The following LINGO1 variants were observed in gnomAD, a reference collection of about 807,000 sequenced individuals.
The protein encoded by LINGO1 is leucine-rich repeat and immunoglobulin-like domain-containing nogo receptor-interacting protein 1.
A neutral mutation model predicts 37.3 loss-of-function variants in LINGO1; 11 were observed. That is an observed-to-expected ratio of 0.29 (90% confidence interval 0.19 to 0.49). The LOEUF is 0.49. Among genes scored for constraint, LINGO1 ranks in the 20% least tolerant of loss-of-function variants. The pLI is 0.99. For synonymous variants in LINGO1, 387 were observed against 403.0 expected, an observed-to-expected ratio of 0.96 and a Z score of 0.48; for missense variants, 585 against 878.2, an observed-to-expected ratio of 0.67 and a Z score of 4.22.
Position 77,743,938 on chromosome 15 carries a change from AT to A in LINGO1, c.-256-8886del, listed in dbSNP as rs2076289045. ...CCTCCCTGCCTTCATTTATTGATCCATCTGTAGCCAAGCCACAAGTATTTCT... is the reference window on the plus strand; with the variant it reads ...CCTCCCTGCCTTCATTTATTGATCCACTGTAGCCAAGCCACAAGTATTTCT... On this transcript the variant is annotated intron_variant, in intron 1 of 3. Transcript: ENST00000561686. Among the ~76,000 whole-genome samples the A allele has an allele frequency of 2.0e-5, 3 of 152,342 alleles. 1 individual carries two copies. The South Asian group carries it at 6.2e-4, about 32-fold the overall frequency.
At chr15:77,617,512 G>A (rs1178457215) in intron 1 of LINGO1, among the ~76,000 whole-genome samples, 4 of 152,278 alleles carry the variant, frequency 2.6e-5, no homozygotes, top group East Asian at 1.9e-4. Context: ...CTCATGGCCC[G>A]GAAGGGGCTC....
chr15:77,628,463 C>G (rs752002466), intron 1 of LINGO1, among the ~76,000 whole-genome samples: 2 of 152,304 alleles, frequency 1.3e-5, no homozygotes, highest in South Asian at 4.1e-4. Context: ...GGACTGCACA[C>G]AGTTCATGCT....
chr15:77,818,532 G>C (rs1174101468), intron 1 of LINGO1, among the ~76,000 whole-genome samples: 1 of 151,896 alleles, frequency 6.6e-6, no homozygotes, highest in Non-Finnish European at 1.5e-5. Context: ...GGCCTCTTGG[G>C]AGCTCCTGAG....
chr15:77,679,154 G>A (rs1369781965), intron 2 of LINGO1, among the ~76,000 whole-genome samples: 3 of 152,190 alleles, frequency 2.0e-5, no homozygotes, highest in Admixed American at 6.5e-5. Context: ...ACCCACGTCG[G>A]CCTCCCAAAA....
chr15:77,682,049 G>A (rs1054680937), intron 2 of LINGO1, among the ~76,000 whole-genome samples: 3 of 152,148 alleles, frequency 2.0e-5, no homozygotes, highest in African/African-American at 4.8e-5. Flanking sequence ...TCCAGCTCCA[G>A]CACTCGTCCC....
chr15:77,705,036 G>A (rs2075832555), intron 2 of LINGO1, among the ~76,000 whole-genome samples: 1 of 152,210 alleles, frequency 6.6e-6, no homozygotes, highest in African/African-American at 2.4e-5. Flanking sequence ...TTAATCTTCT[G>A]TCATATAAGC....
chr15:77,727,838 T>C (rs980133028), intron 2 of LINGO1, among the ~76,000 whole-genome samples: 5 of 151,948 alleles, frequency 3.3e-5, no homozygotes, highest in Admixed American at 6.6e-5. Flanking sequence ...TTCCCCAAGG[T>C]CACACAGCTG....
In LINGO1 at chr15:77,625,982, C is replaced by T. The variant is rs546381457; in HGVS notation, c.6+6328G>A. ...TGAACAACCCCACCAACCCTCACCA[C>T]GTTACACACCCACTTCACTGATGAG... is the stretch of plus-strand genomic sequence containing the variant. On this transcript the variant is annotated intron_variant, in intron 1 of 1. Coordinates refer to ENST00000355300, the MANE Select transcript of LINGO1 (RefSeq NM_032808.7). Among the ~76,000 whole-genome samples, 9 of 152,280 alleles carry T rather than the reference C, an allele frequency of 5.9e-5. No homozygotes were observed. In the East Asian group the frequency reaches 1.4e-3, roughly 23 times the overall value.
intron 3 of LINGO1, among the ~76,000 whole-genome samples, chr15:77,664,603 G>A (rs57739449): frequency 0.072 from 10,948 of 152,222 alleles, 1,304 homozygotes; most frequent in African/African-American, 0.25. Context: ...TGTGTGGGGA[G>A]GTGGCTTGCA....
intron 3 of LINGO1, among the ~76,000 whole-genome samples, chr15:77,668,792 T>TACACACACACACAC (rs34476518): frequency 3.9e-4 from 53 of 134,900 alleles, no homozygotes; most frequent in East Asian, 1.4e-3. Context: ...CACAGGGGAA[T>TACACACACACACAC]ACACACACAC....
chr15:77,787,066 T>G, upstream of LINGO1: 1 of 151,616 alleles, frequency 6.6e-6, no homozygotes, highest in African/African-American at 2.4e-5. Flanking sequence ...GACCCAAGAG[T>G]CTCCCAGGAA....
In LINGO1 at chr15:77,614,232, T is replaced by C; in HGVS notation, c.1675A>G (p.Ile559Val). 6.2e-7 allele frequency: 1 copy of C among 1,613,916 alleles called. No individual in the cohort carries two copies. ...PFPFDIKTLI[I>V]ATTMGFISFL... ...GAGATGAAGCCCATGGTGGTGGCGA[T>C]GATGAGGGTCTTGATGTCGAAGGGG... The change falls in exon 2 of 2, where the codon ATC becomes GTC. Residue 559 changes from isoleucine to valine, a missense_variant. Ile to Val is a conservative substitution (Grantham distance 29). Around this residue, in one of 4 missense-constraint regions of LINGO1, gnomAD observed 484 missense variants for 735.0 expected, o/e 0.66. Transcript: ENST00000355300.
At chr15:77,666,054 C>T (rs1342854204) in intron 3 of LINGO1, among the ~76,000 whole-genome samples, 1 of 152,248 alleles carries the variant, frequency 6.6e-6, no homozygotes, top group East Asian at 1.9e-4. Context: ...TCTCAGTGTG[C>T]TTGGACCCTC....
At chr15:77,795,196 C>T (rs1333559740) in intron 2 of LINGO1, among the ~76,000 whole-genome samples, 1 of 152,142 alleles carries the variant, frequency 6.6e-6, no homozygotes, top group African/African-American at 2.4e-5. Context: ...GTGACTTGTC[C>T]AAGGTCATGA....
chr15:77,771,210 C>T (rs2076581678), intron 1 of LINGO1, among the ~76,000 whole-genome samples: 1 of 152,220 alleles, frequency 6.6e-6, no homozygotes, highest in Non-Finnish European at 1.5e-5. Context: ...TATCATGATC[C>T]TGGGAATTTT....
intron 1 of LINGO1, among the ~76,000 whole-genome samples, chr15:77,817,152 C>T (rs1168565147): frequency 1.3e-5 from 2 of 152,192 alleles, no homozygotes; most frequent in East Asian, 1.9e-4. Flanking sequence ...TGGTAACTCC[C>T]GGGCAACAGC....
intron 2 of LINGO1, among the ~76,000 whole-genome samples, chr15:77,728,170 C>T (rs930685511): frequency 6.6e-6 from 1 of 152,232 alleles, no homozygotes; most frequent in Non-Finnish European, 1.5e-5. Flanking sequence ...AGCCTCCTGG[C>T]CCGGCCAGGT....
At chr15:77,699,573 C>T (rs991515677), upstream of LINGO1, among the ~76,000 whole-genome samples, 5 of 139,140 alleles carry the variant, frequency 3.6e-5, no homozygotes, top group Non-Finnish European at 4.6e-5. Context: ...CAGTAAAGCA[C>T]ATACTAACCA....
intron 2 of LINGO1, among the ~76,000 whole-genome samples, chr15:77,731,316 GGA>G (rs775956771): frequency 6.6e-6 from 1 of 152,122 alleles, no homozygotes; most frequent in Non-Finnish European, 1.5e-5. Context: ...GCTGAAGTGG[GGA>G]GAGACTCGGC....
Sources: gnomAD v4.1 joint callset for allele counts (sites outside exome capture counted in the v4.1 genomes callset) on GRCh38, gnomAD v4.1.1 for gene constraint, gnomAD v4.1.1 regional missense constraint, MANE v1.5 for transcripts, NCBI Gene and HGNC (gene_info 2026-07-23, HGNC 2026-07-21) for gene names.